Variants in CENPC observed in about 807,000 individuals in gnomAD.
CENPC encodes the protein CENP-C 1.
A neutral mutation model predicts 112.1 loss-of-function variants in CENPC; 63 were observed. The observed-to-expected ratio is 0.56, with a 90% CI of 0.46 to 0.69. The LOEUF is 0.69. Ranked by LOEUF, CENPC falls within the 30% of genes least tolerant of loss-of-function variation. The probability of loss-of-function intolerance (pLI) is 0.00; values close to 1 mark genes in which losing one functional copy is unlikely to be tolerated. For missense variants in CENPC, 1,000 were observed against 1,103.8 expected, an observed-to-expected ratio of 0.91 and a Z score of 1.33; for synonymous variants, 333 against 367.6, an observed-to-expected ratio of 0.91 and a Z score of 1.08.
Position 67,505,267 on chromosome 4 carries a change from T to C in CENPC, c.2069A>G (p.Asn690Ser). 2 of 1,572,540 alleles carry C rather than the reference T, an allele frequency of 1.3e-6. No individual in the cohort carries two copies. The highest frequency in any genetic ancestry group is 1.2e-5 in the South Asian group (1 of 83,734). Residue 690 changes from asparagine to serine, a missense_variant, in exon 12 of 19, where the codon AAT (asparagine) becomes AGT (serine). Asn to Ser is a conservative substitution (Grantham distance 46). Transcript: ENST00000273853. ...CTTTCCAGACATTAAATAATTATTA[T>C]TGAGCCTGGAAGGTCCACTTAAGAA... is the stretch of plus-strand genomic sequence containing the variant. ...VLEESGPSRL[N>S]NNYLMSGKND...
chr4:67,530,082 G>A (rs2109824499), intron 5 of CENPC, among the ~76,000 whole-genome samples: 1 of 152,160 alleles, frequency 6.6e-6, no homozygotes, highest in Middle Eastern at 3.4e-3. Context: ...ATTCCAGATG[G>A]TTAAAGACTT....
intron 4 of CENPC, among the ~76,000 whole-genome samples, chr4:67,533,382 C>T (rs1227164621): frequency 1.3e-5 from 2 of 152,168 alleles, no homozygotes; most frequent in African/African-American, 4.8e-5. Context: ...CCTTTTCTTC[C>T]CAGTCTTAGG....
chr4:67,504,115 G>T (rs1019180677), intron 12 of CENPC, among the ~76,000 whole-genome samples: 2 of 116,266 alleles, frequency 1.7e-5, no homozygotes, highest in Non-Finnish European at 3.6e-5. Flanking sequence ...AAAAAAGAAC[G>T]TAGCTAGTAA....
intron 4 of CENPC, among the ~76,000 whole-genome samples, chr4:67,535,355 A>G (rs1176111738): frequency 6.6e-6 from 1 of 151,934 alleles, no homozygotes; most frequent in Admixed American, 6.6e-5. Flanking sequence ...AAGAGTTGCA[A>G]TTCAGGAGAA....
At chr4:67,517,709 G>T (rs890340145) in intron 7 of CENPC, among the ~76,000 whole-genome samples, 1 of 151,884 alleles carries the variant, frequency 6.6e-6, no homozygotes, top group African/African-American at 2.4e-5. Flanking sequence ...GTGGTGGCAG[G>T]TGCCTGTGAT....
At chr4:67,486,692 G>A (rs528075166) in intron 17 of CENPC, among the ~76,000 whole-genome samples, 1 of 152,092 alleles carries the variant, frequency 6.6e-6, no homozygotes, top group Non-Finnish European at 1.5e-5. Flanking sequence ...CCTACAGGAC[G>A]GCCCCCACTA....
Position 67,469,140 on chromosome 4 carries a change from T to C in CENPC, c.*3465A>G, listed in dbSNP as rs752913915. 2 of 152,102 alleles carry C rather than the reference T, an allele frequency of 1.3e-5. No homozygotes were observed. Among genetic ancestry groups the C allele is most frequent in the Non-Finnish European group, 2.9e-5 (2 of 68,030 alleles). The allele number at this position is 152,102 out of a possible 1,614,324, so 9.4% of individuals were successfully genotyped here. ...ACCATTGGAAGAAATTAAAGACACA[T>C]GCATCCATGTGGTAAGTAAATGGAC... On this transcript the variant is annotated 3_prime_UTR_variant, in exon 19 of 19. Coordinates refer to ENST00000273853, the MANE Select transcript of CENPC (RefSeq NM_001812.4).
intron 17 of CENPC, among the ~76,000 whole-genome samples, chr4:67,478,322 A>G (rs1034729824): frequency 6.6e-6 from 1 of 152,136 alleles, no homozygotes; most frequent in Non-Finnish European, 1.5e-5. Context: ...ACCTATTTAA[A>G]AAAAACCTAT....
chr4:67,520,055 C>T (rs570316460), intron 5 of CENPC, among the ~76,000 whole-genome samples: 1 of 152,242 alleles, frequency 6.6e-6, no homozygotes, highest in Non-Finnish European at 1.5e-5. Context: ...CTCCCATATA[C>T]CCCTGGACTG....
At position 67,530,885 on chromosome 4, in the gene CENPC, TG is replaced by T; in HGVS notation, c.260del (p.Pro87GlnfsTer15). The T allele has an allele frequency of 6.2e-7, 1 of 1,602,004 alleles. No individual in the cohort carries two copies. Among genetic ancestry groups the T allele is most frequent in the Non-Finnish European group, 8.5e-7 (1 of 1,173,030 alleles). ...AGGCTTCTTTCTTCTTTGAAGAAACTGGAACTGACTTTGGATGTGATTTCTG... is the reference window on the plus strand; with the variant it reads ...AGGCTTCTTTCTTCTTTGAAGAAACTGAACTGACTTTGGATGTGATTTCTG... Reference protein sequence around the residue: ...ECQKSHPKSVPVSSKKKEASL... With the variant: ...ECQKSHPKSVXVSSKKKEASL... On this transcript the variant is annotated frameshift_variant, in exon 5 of 19. Transcript: ENST00000273853. LOFTEE classifies it high-confidence loss of function.
chr4:67,537,986 AAAAT>A (rs559705114), intron 4 of CENPC, among the ~76,000 whole-genome samples: 10 of 152,150 alleles, frequency 6.6e-5, no homozygotes, highest in African/African-American at 9.6e-5. Context: ...CCTGTCTCAG[AAAAT>A]AAATAAATAA....
In CENPC at chr4:67,514,279, G is replaced by A. The variant is rs1405926962; in HGVS notation, c.1239C>T (p.Ser413=). ...TCTGTTTTTGTTTTATAGTCCTTTT[G>A]CTTCTAGATGGTTTTTCTGCATTCT... ...YSKNAEKPSR[S]KRTIKQKQRR... The change falls in exon 8 of 19, where the codon AGC becomes AGT. Residue 413 remains serine (S), a synonymous_variant. Transcript: ENST00000273853. 3.0e-5 allele frequency: 49 copies of A among 1,610,114 alleles called. No individual in the cohort carries two copies. The highest frequency in any genetic ancestry group is 4.2e-5 in the Non-Finnish European group (49 of 1,177,708).
chr4:67,513,982 A>G, intron 8 of CENPC, 92 bp downstream of exon 8: 1 of 1,239,784 alleles, frequency 8.1e-7, no homozygotes, highest in Non-Finnish European at 1.1e-6. Context: ...ATTTAGGTTT[A>G]CTTTGCCTAC....
chr4:67,476,686 T>C (rs1724814090), intron 17 of CENPC, among the ~76,000 whole-genome samples: 2 of 152,232 alleles, frequency 1.3e-5, no homozygotes, highest in South Asian at 4.1e-4. Context: ...GAAGGGCGAA[T>C]AGGAAGTTCA....
intron 16 of CENPC, among the ~76,000 whole-genome samples, chr4:67,491,596 T>G (rs1725284801): frequency 6.8e-6 from 1 of 147,776 alleles, no homozygotes; most frequent in African/African-American, 2.5e-5. Flanking sequence ...TTGGGGATCT[T>G]ACATGACCTG....
Position 67,514,501 on chromosome 4 carries a change from T to G in CENPC, c.1017A>C (p.Ala339=). The change falls in exon 8 of 19, where the codon GCA becomes GCC. Residue 339 remains alanine, a synonymous_variant. Coordinates refer to ENST00000273853, the MANE Select transcript of CENPC (RefSeq NM_001812.4). ...QRTISPAEST[A]LLQGRKSREK... is the part of the protein sequence containing the mutation. ...CTCTTGACTTTCTACCTTGAAGGAG[T>G]GCAGTGCTCTCAGCCGGGGATATTG... 1 of 1,613,392 alleles carries G rather than the reference T, an allele frequency of 6.2e-7. No individual in the cohort carries two copies. The highest frequency in any genetic ancestry group is 8.5e-7 in the Non-Finnish European group (1 of 1,179,716).
At chr4:67,494,098 T>A in intron 13 of CENPC, 110 bp from the exon 14 acceptor site, 1 of 539,236 alleles carries the variant, frequency 1.9e-6, no homozygotes, top group East Asian at 3.2e-5. Context: ...AGAACATGAA[T>A]ATTTTTCTAG....
intron 4 of CENPC, among the ~76,000 whole-genome samples, chr4:67,531,694 A>G (rs1283989196): frequency 6.6e-6 from 1 of 152,166 alleles, no homozygotes; most frequent in Admixed American, 6.5e-5. Context: ...ACGTTACTGC[A>G]TTTCACTGCT....
At chr4:67,513,490 T>C (rs1253200236) in intron 8 of CENPC, among the ~76,000 whole-genome samples, 5 of 152,176 alleles carry the variant, frequency 3.3e-5, no homozygotes, top group African/African-American at 1.2e-4. Context: ...CAAGTATACT[T>C]CCTTCATATG....
Sources: allele counts gnomAD v4.1 joint callset (sites outside exome capture counted in the v4.1 genomes callset), GRCh38; gene constraint gnomAD v4.1.1; transcripts MANE v1.5; gene names NCBI Gene and HGNC (gene_info 2026-07-23, HGNC 2026-07-21).